Variants in NRG1 observed in about 807,000 individuals in gnomAD.
NRG1 encodes neuregulin 1.
Under a neutral mutation model 63.8 loss-of-function variants are expected in NRG1, and 18 were observed. The observed-to-expected ratio is 0.28, with a 90% CI of 0.19 to 0.42. NRG1 has a LOEUF of 0.42. NRG1 is among the 10% of genes least tolerant of loss of function. The pLI, the probability that NRG1 is intolerant of heterozygous loss-of-function variation, is 1.00. For missense variants in NRG1, 762 were observed against 814.7 expected (o/e 0.94, Z 0.79); for synonymous variants, 302 against 301.3 (o/e 1.00, Z -0.02).
intron 1 of NRG1, among the ~76,000 whole-genome samples, chr8:31,658,810 A>G (rs911852154): frequency 3.3e-5 from 5 of 152,102 alleles, no homozygotes; most frequent in African/African-American, 1.2e-4. Context: ...AGGGAGAGTG[A>G]CTCTCTGCAG....
chr8:32,261,663 T>A (rs1319716846), intron 1 of NRG1, among the ~76,000 whole-genome samples: 1 of 152,116 alleles, frequency 6.6e-6, no homozygotes, highest in Non-Finnish European at 1.5e-5. Context: ...CAGTTGCGCT[T>A]TTAACACCTC....
At chr8:31,776,776 G>A (rs1028651552) in intron 1 of NRG1, among the ~76,000 whole-genome samples, 30 of 152,028 alleles carry the variant, frequency 2.0e-4, no homozygotes, top group African/African-American at 5.8e-4. Context: ...CCTATGAGTG[G>A]GAACATGCGG....
chr8:32,510,274 A>G (rs1407960789), intron 1 of NRG1, among the ~76,000 whole-genome samples: 2 of 152,088 alleles, frequency 1.3e-5, no homozygotes, highest in African/African-American at 4.8e-5. Flanking sequence ...AGGCAGAAGG[A>G]CTGCTTGAGC....
chr8:32,348,900 A>T (rs932100360), intron 1 of NRG1, among the ~76,000 whole-genome samples: 5 of 152,236 alleles, frequency 3.3e-5, no homozygotes, highest in African/African-American at 1.2e-4. Context: ...ATCATAGTTT[A>T]AAAAAGGCCA....
chr8:32,709,439 A>G (rs1481038376), intron 5 of NRG1, among the ~76,000 whole-genome samples: 7 of 151,824 alleles, frequency 4.6e-5, no homozygotes, highest in African/African-American at 1.5e-4. Flanking sequence ...TATTTTTTTG[A>G]AACAGGGCCT....
chr8:32,581,138 A>G (rs1840562618), intron 1 of NRG1, among the ~76,000 whole-genome samples: 1 of 152,138 alleles, frequency 6.6e-6, no homozygotes, highest in Non-Finnish European at 1.5e-5. Flanking sequence ...TTCATACTCA[A>G]TTCTATATGT....
chr8:31,835,798 T>C (rs957160537), intron 1 of NRG1, among the ~76,000 whole-genome samples: 7 of 152,194 alleles, frequency 4.6e-5, no homozygotes, highest in Non-Finnish European at 7.3e-5. Flanking sequence ...ATTAAATTAT[T>C]GTCTCAGTTT....
intron 1 of NRG1, among the ~76,000 whole-genome samples, chr8:32,273,811 C>A (rs925498435): frequency 6.6e-6 from 1 of 152,118 alleles, no homozygotes; most frequent in African/African-American, 2.4e-5. Flanking sequence ...CAGAAATATG[C>A]TGGATGTGTT....
intron 1 of NRG1, among the ~76,000 whole-genome samples, chr8:32,549,820 TAA>T (rs1160959596): frequency 6.6e-6 from 1 of 152,152 alleles, no homozygotes; most frequent in Admixed American, 6.5e-5. Context: ...AGGTAGCTGA[TAA>T]AAGAGGGGAG....
At chr8:31,956,387 G>A (rs1804413145) in intron 1 of NRG1, among the ~76,000 whole-genome samples, 1 of 152,156 alleles carries the variant, frequency 6.6e-6, no homozygotes. Flanking sequence ...GGAGGCTGAG[G>A]TGGGCAGATC....
chr8:32,661,401 A>G (rs1415685177), intron 5 of NRG1, among the ~76,000 whole-genome samples: 1 of 152,232 alleles, frequency 6.6e-6, no homozygotes, highest in African/African-American at 2.4e-5. Context: ...CATTGATAAG[A>G]TAACAGTGAT....
At chr8:32,572,082 C>A (rs967509623) in intron 1 of NRG1, among the ~76,000 whole-genome samples, 1 of 152,092 alleles carries the variant, frequency 6.6e-6, no homozygotes, top group African/African-American at 2.4e-5. Flanking sequence ...TGTCTTCTGA[C>A]TTTTTACCAC....
At chr8:31,923,377 A>G (rs1834072542) in intron 1 of NRG1, among the ~76,000 whole-genome samples, 1 of 152,208 alleles carries the variant, frequency 6.6e-6, no homozygotes, top group Admixed American at 6.5e-5. Flanking sequence ...ATTTGTGTGT[A>G]TATGACTTTT....
At chr8:31,948,479 T>C (rs149128052) in intron 1 of NRG1, among the ~76,000 whole-genome samples, 1 of 152,298 alleles carries the variant, frequency 6.6e-6, no homozygotes, top group African/African-American at 2.4e-5. Flanking sequence ...GCTGCTTGGA[T>C]CTTGGCAGGC....
chr8:31,971,594 C>T (rs1195557584), intron 1 of NRG1, among the ~76,000 whole-genome samples: 1 of 151,952 alleles, frequency 6.6e-6, no homozygotes, highest in African/African-American at 2.4e-5. Flanking sequence ...ATGTGGTTTT[C>T]CTAACCAACA....
At chr8:32,329,344 A>G (rs1563321233) in intron 1 of NRG1, among the ~76,000 whole-genome samples, 1 of 152,224 alleles carries the variant, frequency 6.6e-6, no homozygotes, top group East Asian at 1.9e-4. Context: ...ATAAAACTCA[A>G]ACCTTAAAGG....
chr8:31,806,350 G>A (rs1007350681), intron 1 of NRG1, among the ~76,000 whole-genome samples: 1 of 151,894 alleles, frequency 6.6e-6, no homozygotes. Flanking sequence ...TAAAATATTG[G>A]CATATAGTGT....
At chr8:32,148,028 T>C (rs996901495) in intron 1 of NRG1, among the ~76,000 whole-genome samples, 5 of 152,182 alleles carry the variant, frequency 3.3e-5, no homozygotes, top group African/African-American at 1.2e-4. Flanking sequence ...CGTGAAAGTC[T>C]TTTATAATGT....
intron 1 of NRG1, among the ~76,000 whole-genome samples, chr8:32,278,950 T>G (rs1049251678): frequency 6.6e-6 from 1 of 152,226 alleles, no homozygotes; most frequent in Non-Finnish European, 1.5e-5. Flanking sequence ...ATCTTATTCC[T>G]GATTCATAAG....
Sources: gnomAD v4.1 joint callset for allele counts (sites outside exome capture counted in the v4.1 genomes callset) on GRCh38, gnomAD v4.1.1 for gene constraint, MANE v1.5 for transcripts, NCBI Gene and HGNC (gene_info 2026-07-23, HGNC 2026-07-21) for gene names.